Variants in PVT1 observed in about 807,000 individuals in gnomAD.
PVT1 encodes the protein Pvt1 oncogene, also known as CXCR4/PVT1 fusion.
At chr8:127,932,156 G>A (rs780684392) in intron 3 of PVT1, among the ~76,000 whole-genome samples, 20 of 152,182 alleles carry the variant, frequency 1.3e-4, no homozygotes, top group Admixed American at 1.0e-3. Context: ...TGGGAATGCC[G>A]TGCACTCCCA....
intron 4 of PVT1, among the ~76,000 whole-genome samples, chr8:128,048,237 C>T (rs114559408): frequency 1.3e-5 from 2 of 152,332 alleles, no homozygotes; most frequent in South Asian, 4.1e-4. Context: ...AGAAGGCACA[C>T]AATAGGCTTT....
At chr8:127,903,774 G>T (rs1036221873) in intron 3 of PVT1, among the ~76,000 whole-genome samples, 1 of 152,082 alleles carries the variant, frequency 6.6e-6, no homozygotes, top group Non-Finnish European at 1.5e-5. Flanking sequence ...ATTCTGTTCC[G>T]TTGGTCTGTG....
At chr8:127,982,986 G>T (rs1382322315) in intron 3 of PVT1, among the ~76,000 whole-genome samples, 41 of 152,204 alleles carry the variant, frequency 2.7e-4, no homozygotes. Context: ...AGTACACAGG[G>T]CAGGGAGACA....
chr8:128,044,018 T>TTA (rs1554606749), intron 4 of PVT1, among the ~76,000 whole-genome samples: 4 of 131,494 alleles, frequency 3.0e-5, no homozygotes, highest in African/African-American at 6.4e-5. Context: ...TTTATTTATT[T>TTA]TTTTTTTTTT....
chr8:127,894,322 A>G (rs893852163), intron 3 of PVT1, among the ~76,000 whole-genome samples: 1 of 152,206 alleles, frequency 6.6e-6, no homozygotes, highest in East Asian at 1.9e-4. Context: ...TGAACAGCCC[A>G]AGGTTGCTTA....
chr8:128,017,976 G>A (rs558172241), intron 4 of PVT1, among the ~76,000 whole-genome samples: 4 of 152,246 alleles, frequency 2.6e-5, no homozygotes, highest in African/African-American at 9.6e-5. Flanking sequence ...AATAATCTAC[G>A]AATACGTAGA....
At chr8:128,079,341 T>C (rs1354005010) in intron 5 of PVT1, among the ~76,000 whole-genome samples, 1 of 152,226 alleles carries the variant, frequency 6.6e-6, no homozygotes, top group African/African-American at 2.4e-5. Context: ...TACAAAAATA[T>C]TGAGTCAAAA....
chr8:128,039,918 G>A (rs974747542), intron 4 of PVT1, among the ~76,000 whole-genome samples: 12 of 152,212 alleles, frequency 7.9e-5, no homozygotes, highest in South Asian at 2.1e-4. Flanking sequence ...ATGGGGTGCC[G>A]TAAGAAATAT....
intron 2 of PVT1, among the ~76,000 whole-genome samples, chr8:127,853,548 A>C (rs1303380642): frequency 6.6e-6 from 1 of 152,102 alleles, no homozygotes; most frequent in Non-Finnish European, 1.5e-5. Context: ...TGGGAGATCA[A>C]AGCTGGGGGA....
At chr8:127,863,816 G>A (rs571853595) in intron 2 of PVT1, among the ~76,000 whole-genome samples, 2 of 152,296 alleles carry the variant, frequency 1.3e-5, no homozygotes, top group Admixed American at 6.5e-5. Context: ...CGGTGTCTGG[G>A]CCCACCTTCA....
chr8:127,822,391 G>C (rs768222760), intron 2 of PVT1, among the ~76,000 whole-genome samples: 15 of 152,130 alleles, frequency 9.9e-5, no homozygotes, highest in Non-Finnish European at 1.5e-4. Context: ...AGCCTGGCCA[G>C]CATGGTGAAA....
intron 3 of PVT1, among the ~76,000 whole-genome samples, chr8:127,974,423 A>C (rs1163039465): frequency 6.6e-6 from 1 of 151,938 alleles, no homozygotes; most frequent in Non-Finnish European, 1.5e-5. Flanking sequence ...CATTATTATT[A>C]ATTTTTCTTT....
At chr8:127,864,558 T>A (rs1815265721) in intron 2 of PVT1, among the ~76,000 whole-genome samples, 1 of 152,124 alleles carries the variant, frequency 6.6e-6, no homozygotes, top group South Asian at 2.1e-4. Context: ...TTTCTTTCTT[T>A]TTTTTTTGAG....
At chr8:127,991,252 C>G (rs1817037140) in intron 4 of PVT1, among the ~76,000 whole-genome samples, 1 of 151,292 alleles carries the variant, frequency 6.6e-6, no homozygotes, top group African/African-American at 2.4e-5. Context: ...ACGCCATTCT[C>G]CTGCCTCAGC....
At chr8:127,797,116 G>T (rs1814405499) in intron 2 of PVT1, among the ~76,000 whole-genome samples, 1 of 152,034 alleles carries the variant, frequency 6.6e-6, no homozygotes, top group Non-Finnish European at 1.5e-5. Flanking sequence ...AGCCTCAGGT[G>T]ATCCGCCCGC....
intron 5 of PVT1, among the ~76,000 whole-genome samples, chr8:128,074,634 C>G (rs1814060651): frequency 6.6e-6 from 1 of 151,944 alleles, no homozygotes; most frequent in Admixed American, 6.5e-5. Context: ...GTGGTTTTGA[C>G]AGAATAGTTG....
At chr8:127,918,588 A>G (rs1299610320) in intron 3 of PVT1, among the ~76,000 whole-genome samples, 2 of 152,168 alleles carry the variant, frequency 1.3e-5, no homozygotes, top group East Asian at 3.8e-4. Flanking sequence ...AGGGGCTTGC[A>G]TGATTCATCT....
At chr8:127,961,376 A>G (rs915258802) in intron 3 of PVT1, among the ~76,000 whole-genome samples, 2 of 152,166 alleles carry the variant, frequency 1.3e-5, no homozygotes, top group African/African-American at 4.8e-5. Context: ...GTGCACGAAG[A>G]GCCTCTGGGG....
chr8:127,883,132 G>C lies in PVT1; in HGVS notation n.373-7457G>C, dbSNP rs967741798. Among the ~76,000 whole-genome samples, 39 of 150,708 alleles carry C rather than the reference G, an allele frequency of 2.6e-4. 1 individual carries two copies. On this transcript the variant is annotated intron_variant and non_coding_transcript_variant, in intron 2 of 10. Transcript: ENST00000651587. ...GGCTCAGAGACAGAGAGAGAGAGAGGAAGGCACAGCCACACACACACTGGG... is the reference window on the plus strand; with the variant it reads ...GGCTCAGAGACAGAGAGAGAGAGAGCAAGGCACAGCCACACACACACTGGG...
Sources: gnomAD v4.1 joint callset for allele counts (sites outside exome capture counted in the v4.1 genomes callset) on GRCh38, gnomAD v4.1.1 for gene constraint, MANE v1.5 for transcripts, NCBI Gene and HGNC (gene_info 2026-07-23, HGNC 2026-07-21) for gene names.